The following ATP2B2 variants were observed in gnomAD, a reference collection of about 807,000 sequenced individuals.
ATP2B2 encodes plasma membrane calcium-transporting ATPase 2.
Under a neutral mutation model 120.0 loss-of-function variants are expected in ATP2B2, and 15 were observed. The ratio of observed to expected loss-of-function variants is 0.12; its 90% CI spans 0.08 to 0.19. The LOEUF is 0.19. ATP2B2 is among the 10% of genes least tolerant of loss of function. The probability of loss-of-function intolerance (pLI) is 1.00; values close to 1 mark genes in which losing one functional copy is unlikely to be tolerated. For missense variants in ATP2B2, 1,045 were observed against 1,719.8 expected (o/e 0.61, Z 6.94); for synonymous variants, 694 against 700.3 (o/e 0.99, Z 0.14).
intron 2 of ATP2B2, among the ~76,000 whole-genome samples, chr3:10,559,428 G>A (rs573367709): frequency 6.6e-6 from 1 of 152,208 alleles, no homozygotes; most frequent in African/African-American, 2.4e-5. Flanking sequence ...CGTTTGGGGC[G>A]ATGGATATGC....
intron 1 of ATP2B2, among the ~76,000 whole-genome samples, chr3:10,648,402 A>C (rs2070374101): frequency 1.3e-5 from 2 of 152,160 alleles, no homozygotes; most frequent in Non-Finnish European, 1.5e-5. Context: ...TTCTCCTCCC[A>C]GCATCAATGT....
intron 1 of ATP2B2, among the ~76,000 whole-genome samples, chr3:10,454,973 T>A (rs2064199646): frequency 6.6e-6 from 1 of 152,208 alleles, no homozygotes; most frequent in Non-Finnish European, 1.5e-5. Context: ...TTGAGCCTGC[T>A]TAACTGTTTT....
At chr3:10,637,877 G>A (rs1380440524) in intron 1 of ATP2B2, among the ~76,000 whole-genome samples, 5 of 152,022 alleles carry the variant, frequency 3.3e-5, no homozygotes, top group East Asian at 3.9e-4. Flanking sequence ...CAAGTGGGAA[G>A]GAGAAAATCT....
At chr3:10,628,158 C>A (rs957933174) in intron 1 of ATP2B2, among the ~76,000 whole-genome samples, 1 of 152,204 alleles carries the variant, frequency 6.6e-6, no homozygotes, top group Non-Finnish European at 1.5e-5. Flanking sequence ...ATGGCAGAGG[C>A]CCGACAACCC....
chr3:10,582,814 G>A (rs1323845248), intron 2 of ATP2B2, among the ~76,000 whole-genome samples: 1 of 152,210 alleles, frequency 6.6e-6, no homozygotes, highest in Non-Finnish European at 1.5e-5. Context: ...AAAGAGGCAG[G>A]TCAGACCACA....
chr3:10,424,066 A>G (rs946252871), intron 2 of ATP2B2, among the ~76,000 whole-genome samples: 1 of 152,190 alleles, frequency 6.6e-6, no homozygotes, highest in African/African-American at 2.4e-5. Flanking sequence ...TGCAGGACCA[A>G]TGCCCCTCTC....
intron 1 of ATP2B2, among the ~76,000 whole-genome samples, chr3:10,463,919 T>TG (rs1030425461): frequency 1.3e-5 from 2 of 152,060 alleles, no homozygotes; most frequent in Admixed American, 6.5e-5. Flanking sequence ...AGGTGGGGTG[T>TG]GGGGGGGCAC....
At chr3:10,451,315 A>G (rs375902437) in intron 1 of ATP2B2, among the ~76,000 whole-genome samples, 12 of 152,154 alleles carry the variant, frequency 7.9e-5, no homozygotes, top group East Asian at 3.9e-4. Flanking sequence ...AGAACACAGT[A>G]TCTGGCATTG....
chr3:10,604,606 A>C (rs979033896), intron 2 of ATP2B2, among the ~76,000 whole-genome samples: 1 of 152,046 alleles, frequency 6.6e-6, no homozygotes, highest in African/African-American at 2.4e-5. Flanking sequence ...GCCCCCTTCT[A>C]TTCTGTTTGG....
intron 2 of ATP2B2, among the ~76,000 whole-genome samples, chr3:10,572,998 G>A (rs769625534): frequency 1.3e-5 from 2 of 152,178 alleles, no homozygotes; most frequent in African/African-American, 2.4e-5. Flanking sequence ...ATCTGCAGAC[G>A]GGACGTGCAG....
Position 10,700,579 on chromosome 3 carries a change from G to A in ATP2B2, c.-460+7336C>T, listed in dbSNP as rs764390208. On this transcript the variant is annotated intron_variant, in intron 1 of 21. Coordinates refer to the ATP2B2 transcript ENST00000646379. ...TGTGTCTCTCCCCCATTTTGTGTTCGTAATACCTCAAACACTAACATTTTT... is the reference window on the plus strand; with the variant it reads ...TGTGTCTCTCCCCCATTTTGTGTTCATAATACCTCAAACACTAACATTTTT... 9.2e-5 allele frequency among the ~76,000 whole-genome samples: 14 copies of A among 152,248 alleles called. 1 individual carries two copies. Among genetic ancestry groups the A allele is most frequent in the South Asian group, 8.3e-4 (4 of 4,814 alleles).
chr3:10,599,732 G>A (rs1181967016), intron 2 of ATP2B2, among the ~76,000 whole-genome samples: 2 of 146,542 alleles, frequency 1.4e-5, no homozygotes, highest in Admixed American at 7.2e-5. Context: ...GACTGAGTAC[G>A]TGATCTGTGC....
intron 2 of ATP2B2, among the ~76,000 whole-genome samples, chr3:10,566,783 G>A (rs2068019152): frequency 6.6e-6 from 1 of 152,198 alleles, no homozygotes; most frequent in Non-Finnish European, 1.5e-5. Flanking sequence ...TTTTTAACAT[G>A]GGGCCAGTTC....
chr3:10,536,331 AT>A (rs71055821), intron 2 of ATP2B2, among the ~76,000 whole-genome samples: 17,433 of 138,696 alleles, frequency 0.13, 1,312 homozygotes, highest in East Asian at 0.41. Context: ...TTGTCACAGG[AT>A]TTTTTTTTTT....
chr3:10,368,128 G>C (rs1328598995), intron 12 of ATP2B2, among the ~76,000 whole-genome samples: 1 of 152,156 alleles, frequency 6.6e-6, no homozygotes, highest in Non-Finnish European at 1.5e-5. Flanking sequence ...GGCTGAACTA[G>C]GTGGTCTCTA....
intron 1 of ATP2B2, among the ~76,000 whole-genome samples, chr3:10,639,084 C>T (rs2070100482): frequency 6.6e-6 from 1 of 152,102 alleles, no homozygotes; most frequent in African/African-American, 2.4e-5. Flanking sequence ...CAACTTTAGG[C>T]AAAGTTGGGC....
rs34843797 is a variant in ATP2B2, at chr3:10,610,076, T to TACACACAC, written c.-415+9833_-415+9840dup. On this transcript the variant is annotated intron_variant, in intron 2 of 21. Transcript: ENST00000646379. ...TCATACACATATACATATACACACATACACACACACACACACACACACACA... is the reference window on the plus strand; with the variant it reads ...TCATACACATATACATATACACACATACACACACACACACACACACACACACACACACA... Among the ~76,000 whole-genome samples the TACACACAC allele has an allele frequency of 2.3e-3, 333 of 146,684 alleles. 1 individual carries two copies. The highest frequency in any genetic ancestry group is 3.8e-3 in the Non-Finnish European group (250 of 66,346).
chr3:10,374,594 C>T (rs891005314), intron 11 of ATP2B2, among the ~76,000 whole-genome samples: 1 of 152,180 alleles, frequency 6.6e-6, no homozygotes, highest in Non-Finnish European at 1.5e-5. Context: ...GCCCTACGCC[C>T]GGCCCTTCGA....
chr3:10,378,603 T>C (rs781145370), intron 9 of ATP2B2, among the ~76,000 whole-genome samples, 193 bp from the exon 10 acceptor site: 2 of 152,162 alleles, frequency 1.3e-5, no homozygotes, highest in Non-Finnish European at 2.9e-5. Context: ...GAGCTATGGA[T>C]CCCAGTGGTA....
Sources: allele counts gnomAD v4.1 joint callset (sites outside exome capture counted in the v4.1 genomes callset), GRCh38; gene constraint gnomAD v4.1.1; transcripts MANE v1.5; gene names NCBI Gene and HGNC (gene_info 2026-07-23, HGNC 2026-07-21).